Variants in SYNPO2 observed in about 807,000 individuals in gnomAD.
The protein encoded by SYNPO2 is synaptopodin-2.
SYNPO2 carries 56 observed loss-of-function variants against 85.0 expected under a neutral mutation model. The observed-to-expected ratio is 0.66, with a 90% CI of 0.53 to 0.82. SYNPO2 has a LOEUF of 0.82. SYNPO2 is among the 40% of genes least tolerant of loss of function. The probability of loss-of-function intolerance (pLI) is 0.00; values close to 1 mark genes in which losing one functional copy is unlikely to be tolerated. For synonymous variants in SYNPO2, 602 were observed against 591.1 expected (o/e 1.02, Z -0.27); for missense variants, 1,575 against 1,534.2 (o/e 1.03, Z -0.44).
chr4:118,959,851 C>G (rs1735011436), intron 1 of SYNPO2, among the ~76,000 whole-genome samples: 1 of 117,398 alleles, frequency 8.5e-6, no homozygotes, highest in Non-Finnish European at 2.0e-5. Flanking sequence ...GACTGGTGAC[C>G]CACAAAAGGA....
At position 119,036,752 on chromosome 4, in the gene SYNPO2, T is replaced by C. The variant is rs1738527917; in HGVS notation, c.3252+4725T>C. The C allele has an allele frequency of 5.0e-6, 5 of 990,126 alleles. No individual in the cohort carries two copies. The South Asian group carries it at 2.3e-4, about 46-fold the overall frequency. 61.3% of individuals were successfully genotyped at this position (990,126 alleles called of 1,614,324 possible). ...CCAGTTTCTTAATTTTTTTAAAAAC[T>C]GTATGTTTCTGTGGTATGTATATTT... On this transcript the variant is annotated intron_variant, in intron 4 of 4. Coordinates refer to ENST00000307142, the MANE Select transcript of SYNPO2 (RefSeq NM_133477.3).
intron 4 of SYNPO2, chr4:119,036,152 G>A: frequency 5.1e-6 from 5 of 985,408 alleles, no homozygotes; most frequent in Non-Finnish European, 6.0e-6. Flanking sequence ...GTCACAACTG[G>A]CCCAGCAGGC....
chr4:118,949,952 A>T (rs1734641663), intron 1 of SYNPO2, among the ~76,000 whole-genome samples: 1 of 152,148 alleles, frequency 6.6e-6, no homozygotes, highest in South Asian at 2.1e-4. Flanking sequence ...TACTGTCTTT[A>T]TGAAGCTTAC....
At chr4:118,919,217 C>A (rs1468169135) in intron 1 of SYNPO2, among the ~76,000 whole-genome samples, 1 of 151,860 alleles carries the variant, frequency 6.6e-6, no homozygotes, top group Non-Finnish European at 1.5e-5. Flanking sequence ...TGACAGGAAG[C>A]GCTAGTCGAT....
At chr4:118,925,561 C>T (rs1385865630) in intron 1 of SYNPO2, among the ~76,000 whole-genome samples, 2 of 152,156 alleles carry the variant, frequency 1.3e-5, no homozygotes, top group East Asian at 1.9e-4. Context: ...CAAGACTGGT[C>T]TGTAAGGACA....
intron 4 of SYNPO2, chr4:119,036,382 T>C (rs1738511338): frequency 1.3e-5 from 13 of 985,424 alleles, no homozygotes; most frequent in South Asian, 4.7e-5. Flanking sequence ...TCGCTGGTCT[T>C]GGGTCCACAT....
At chr4:118,860,175 C>T (rs1045050224) in intron 1 of SYNPO2, among the ~76,000 whole-genome samples, 1 of 152,188 alleles carries the variant, frequency 6.6e-6, no homozygotes, top group African/African-American at 2.4e-5. Context: ...ACATTAAACA[C>T]CTTTTCACGC....
chr4:119,022,241 A>G (rs1244390085), intron 1 of SYNPO2, among the ~76,000 whole-genome samples: 1 of 152,120 alleles, frequency 6.6e-6, no homozygotes, highest in East Asian at 1.9e-4. Flanking sequence ...CGTTTCATTC[A>G]CCTTGGCAAT....
intron 1 of SYNPO2, among the ~76,000 whole-genome samples, chr4:118,961,504 C>T (rs757564777): frequency 3.9e-5 from 6 of 152,138 alleles, no homozygotes; most frequent in African/African-American, 7.2e-5. Context: ...CTCAGGTGTC[C>T]GTTCAAATAG....
intron 1 of SYNPO2, among the ~76,000 whole-genome samples, chr4:118,930,012 A>T (rs1281626145): frequency 6.6e-6 from 1 of 152,184 alleles, no homozygotes; most frequent in Non-Finnish European, 1.5e-5. Context: ...AATGTTCATA[A>T]TAATGGCCAG....
chr4:118,859,191 A>T (rs116712113), intron 1 of SYNPO2, among the ~76,000 whole-genome samples: 7,821 of 152,296 alleles, frequency 0.051, 283 homozygotes, highest in Non-Finnish European at 0.072. Context: ...CTTTGTGTCG[A>T]CTAGAGGAAA....
At chr4:119,049,031 C>G (rs1738956824) in intron 4 of SYNPO2, among the ~76,000 whole-genome samples, 1 of 152,098 alleles carries the variant, frequency 6.6e-6, no homozygotes, top group Admixed American at 6.5e-5. Flanking sequence ...TAGCAATAAT[C>G]CAGGTGAGAA....
chr4:118,982,321 A>G (rs1560942901), intron 1 of SYNPO2, among the ~76,000 whole-genome samples: 1 of 152,210 alleles, frequency 6.6e-6, no homozygotes, highest in Admixed American at 6.6e-5. Flanking sequence ...ATATTGCACA[A>G]TGAAGACTGG....
intron 1 of SYNPO2, among the ~76,000 whole-genome samples, chr4:118,879,082 T>C (rs1400746771): frequency 6.6e-6 from 1 of 152,140 alleles, no homozygotes; most frequent in Non-Finnish European, 1.5e-5. Flanking sequence ...ACTGTTAAGG[T>C]GTGCCACTTC....
intron 1 of SYNPO2, among the ~76,000 whole-genome samples, chr4:118,891,982 T>G (rs1393162206): frequency 6.6e-6 from 1 of 152,140 alleles, no homozygotes; most frequent in East Asian, 1.9e-4. Context: ...TAATTCTATA[T>G]AGAGTAAAAA....
intron 1 of SYNPO2, among the ~76,000 whole-genome samples, chr4:119,009,776 C>T (rs1193026744): frequency 6.6e-6 from 1 of 152,186 alleles, no homozygotes; most frequent in Non-Finnish European, 1.5e-5. Flanking sequence ...AGTTATTAAC[C>T]ACCATCTTAT....
At chr4:118,964,239 T>C (rs993038117) in intron 1 of SYNPO2, among the ~76,000 whole-genome samples, 5 of 151,708 alleles carry the variant, frequency 3.3e-5, no homozygotes, top group Non-Finnish European at 7.4e-5. Context: ...TACTTGAGCT[T>C]AGGAGTTTGA....
chr4:119,051,496 G>C (rs1373101910), intron 4 of SYNPO2, among the ~76,000 whole-genome samples: 1 of 152,122 alleles, frequency 6.6e-6, no homozygotes, highest in African/African-American at 2.4e-5. Context: ...CGGCCGGGAA[G>C]CAATGTTTGA....
intron 3 of SYNPO2, 148 bp from the exon 4 acceptor site, chr4:119,029,697 A>T (rs1044646811): frequency 5.5e-6 from 4 of 725,758 alleles, no homozygotes; most frequent in Non-Finnish European, 8.5e-6. Context: ...TAAGAAAAAG[A>T]AATGTGTTGG....
Sources: gnomAD v4.1 joint callset for allele counts (sites outside exome capture counted in the v4.1 genomes callset) on GRCh38, gnomAD v4.1.1 for gene constraint, MANE v1.5 for transcripts, NCBI Gene and HGNC (gene_info 2026-07-23, HGNC 2026-07-21) for gene names.